Variants in NWD2 observed in about 807,000 individuals in gnomAD.
NWD2 encodes the protein NACHT and WD repeat domain-containing protein 2.
In NWD2, 37 loss-of-function variants were observed where a neutral mutation model predicts 132.7. The observed-to-expected ratio is 0.28, with a 90% CI of 0.21 to 0.37. NWD2 has a LOEUF of 0.37. NWD2 is among the 10% of genes least tolerant of loss of function. The pLI is 1.00. For missense variants in NWD2, 1,592 were observed against 2,122.4 expected (o/e 0.75, Z 4.91); for synonymous variants, 705 against 803.0 (o/e 0.88, Z 2.06).
intron 1 of NWD2, among the ~76,000 whole-genome samples, chr4:37,322,330 G>A (rs1465229089): frequency 6.6e-6 from 1 of 152,182 alleles, no homozygotes; most frequent in Non-Finnish European, 1.5e-5. Flanking sequence ...TCTGTAGATG[G>A]AGTGCTCAGA....
chr4:37,323,023 C>G lies in NWD2; in HGVS notation c.152-2913C>G, dbSNP rs115770472. On this transcript the variant is annotated intron_variant, in intron 1 of 6. Coordinates refer to ENST00000309447, the MANE Select transcript of NWD2 (RefSeq NM_001144990.2). ...GGTGTATGAGTTTCTGGATTCAATT[C>G]TGGGTTTTCTAATTTAGTGGCTGTA... 3.4e-3 allele frequency among the ~76,000 whole-genome samples: 508 copies of G among 148,538 alleles called. 4 individuals carry two copies. Among genetic ancestry groups the G allele is most frequent in the African/African-American group, 0.011 (475 of 41,446 alleles).
intron 3 of NWD2, among the ~76,000 whole-genome samples, chr4:37,378,347 G>A (rs377445822): frequency 6.6e-6 from 1 of 152,146 alleles, no homozygotes; most frequent in African/African-American, 2.4e-5. Flanking sequence ...AAGCTTCCTC[G>A]AAGAGAAAAT....
At chr4:37,440,580 G>T (rs1041556179) in intron 6 of NWD2, among the ~76,000 whole-genome samples, 2 of 152,112 alleles carry the variant, frequency 1.3e-5, no homozygotes, top group Non-Finnish European at 2.9e-5. Flanking sequence ...GCATCTCTCT[G>T]ACCTCCTTCT....
At chr4:37,430,392 A>G (rs1441634071) in intron 3 of NWD2, among the ~76,000 whole-genome samples, 180 bp from the exon 4 acceptor site, 2 of 152,244 alleles carry the variant, frequency 1.3e-5, no homozygotes, top group Non-Finnish European at 2.9e-5. Context: ...ATTTGTTGTA[A>G]TATAGTTGAT....
intron 1 of NWD2, among the ~76,000 whole-genome samples, chr4:37,289,146 C>A (rs1271525594): frequency 6.6e-6 from 1 of 152,124 alleles, no homozygotes; most frequent in African/African-American, 2.4e-5. Flanking sequence ...AATCTCCTAA[C>A]CTCTAATTCA....
At chr4:37,383,667 T>C (rs1577685610) in intron 3 of NWD2, among the ~76,000 whole-genome samples, 1 of 152,228 alleles carries the variant, frequency 6.6e-6, no homozygotes, top group Non-Finnish European at 1.5e-5. Flanking sequence ...TGTTATATGC[T>C]GCTTTCCGCA....
At chr4:37,256,199 A>T (rs1245000258) in intron 1 of NWD2, among the ~76,000 whole-genome samples, 1 of 152,164 alleles carries the variant, frequency 6.6e-6, no homozygotes, top group Non-Finnish European at 1.5e-5. Context: ...TTATGTGTGC[A>T]GTATATATGT....
chr4:37,270,809 G>A (rs1717856871), intron 1 of NWD2, among the ~76,000 whole-genome samples: 1 of 151,546 alleles, frequency 6.6e-6, no homozygotes, highest in East Asian at 1.9e-4. Flanking sequence ...GTGGTTTTTA[G>A]CACAAAGAAA....
At chr4:37,369,952 A>G (rs780298961) in intron 3 of NWD2, among the ~76,000 whole-genome samples, 8 of 152,084 alleles carry the variant, frequency 5.3e-5, no homozygotes, top group Non-Finnish European at 1.2e-4. Flanking sequence ...TCAGCTGTAC[A>G]TGGCAGCTCC....
chr4:37,394,799 GTTTTTTTTTT>G (rs1175840735), intron 3 of NWD2, among the ~76,000 whole-genome samples: 8 of 52,596 alleles, frequency 1.5e-4, no homozygotes, highest in East Asian at 6.7e-4. Context: ...AACCTTTATG[GTTTTTTTTTT>G]TTTTTTTTTT....
At chr4:37,338,321 G>C (rs1719451663) in intron 2 of NWD2, among the ~76,000 whole-genome samples, 1 of 152,224 alleles carries the variant, frequency 6.6e-6, no homozygotes, top group Admixed American at 6.5e-5. Context: ...GGGCCCAAGA[G>C]CTCCATTTTT....
At chr4:37,260,115 G>A (rs1717598606) in intron 1 of NWD2, among the ~76,000 whole-genome samples, 1 of 152,172 alleles carries the variant, frequency 6.6e-6, no homozygotes, top group African/African-American at 2.4e-5. Flanking sequence ...TTAGAAGGGA[G>A]CAATTGGAGC....
chr4:37,410,283 G>A (rs2109318787), intron 3 of NWD2, among the ~76,000 whole-genome samples: 1 of 152,180 alleles, frequency 6.6e-6, no homozygotes, highest in South Asian at 2.1e-4. Context: ...GACACACATA[G>A]GCTCAAAATA....
chr4:37,328,654 T>C (rs1351621276), intron 2 of NWD2, among the ~76,000 whole-genome samples: 1 of 152,126 alleles, frequency 6.6e-6, no homozygotes, highest in African/African-American at 2.4e-5. Context: ...TTGATGGGCA[T>C]TTGGGTTGGT....
At chr4:37,366,754 T>C (rs1430954475) in intron 3 of NWD2, among the ~76,000 whole-genome samples, 2 of 152,244 alleles carry the variant, frequency 1.3e-5, no homozygotes, top group Admixed American at 1.3e-4. Flanking sequence ...AAGTAGGATG[T>C]TTCATAATGA....
intron 1 of NWD2, among the ~76,000 whole-genome samples, chr4:37,306,903 A>T (rs549943043): frequency 3.3e-5 from 5 of 152,048 alleles, no homozygotes; most frequent in South Asian, 4.1e-4. Context: ...ACACGCCTGT[A>T]TTCACAGCTA....
intron 3 of NWD2, among the ~76,000 whole-genome samples, chr4:37,397,241 G>A (rs1447847281): frequency 6.6e-6 from 1 of 152,140 alleles, no homozygotes; most frequent in East Asian, 1.9e-4. Flanking sequence ...AGGTTTTAAT[G>A]AAAATCCTGA....
intron 3 of NWD2, among the ~76,000 whole-genome samples, chr4:37,379,888 T>A (rs1283416234): frequency 1.3e-5 from 2 of 152,216 alleles, no homozygotes; most frequent in African/African-American, 4.8e-5. Flanking sequence ...GGAAGCCCAC[T>A]GCTTTACCCC....
chr4:37,437,343 C>A (rs563736197), intron 5 of NWD2, among the ~76,000 whole-genome samples: 1 of 152,120 alleles, frequency 6.6e-6, no homozygotes, highest in African/African-American at 2.4e-5. Flanking sequence ...CAAGGGAACT[C>A]TCTGAGATCT....
Sources: allele counts gnomAD v4.1 joint callset (sites outside exome capture counted in the v4.1 genomes callset), GRCh38; gene constraint gnomAD v4.1.1; transcripts MANE v1.5; gene names NCBI Gene and HGNC (gene_info 2026-07-23, HGNC 2026-07-21).